Variants in ANKHD1 observed in about 807,000 individuals in gnomAD.
ANKHD1 encodes the protein ankyrin repeat and KH domain containing 1, also known as ankyrin repeat and KH domain-containing protein 1.
Under a neutral mutation model 230.5 loss-of-function variants are expected in ANKHD1, and 31 were observed. The ratio of observed to expected loss-of-function variants is 0.13; its 90% CI spans 0.10 to 0.18. The LOEUF (loss-of-function observed/expected upper bound fraction) is 0.18, where lower values mean the gene tolerates loss of function less well. ANKHD1 is among the 10% of genes least tolerant of loss of function. The pLI is 1.00. For synonymous variants in ANKHD1, 1,074 were observed against 1,117.6 expected (o/e 0.96, Z 0.78); for missense variants, 2,256 against 3,071.3 (o/e 0.73, Z 6.27).
At chr5:140,439,006 A>C (rs1028234662) in intron 3 of ANKHD1, among the ~76,000 whole-genome samples, 1 of 152,186 alleles carries the variant, frequency 6.6e-6, no homozygotes, top group African/African-American at 2.4e-5. Flanking sequence ...TTGCTACTCA[A>C]ATATGGTCCA....
chr5:140,471,657 A>AG (rs1776504534), intron 10 of ANKHD1, among the ~76,000 whole-genome samples: 1 of 152,160 alleles, frequency 6.6e-6, no homozygotes, highest in South Asian at 2.1e-4. Flanking sequence ...ATGACTGAAA[A>AG]GCTTCTTATG....
intron 24 of ANKHD1, among the ~76,000 whole-genome samples, chr5:140,518,925 G>T (rs192850123): frequency 3.3e-4 from 50 of 152,270 alleles, no homozygotes; most frequent in African/African-American, 1.2e-3. Flanking sequence ...AGTGTTGGAA[G>T]TTCTGGCCAG....
intron 10 of ANKHD1, among the ~76,000 whole-genome samples, chr5:140,466,233 T>C (rs567002461): frequency 6.6e-6 from 1 of 151,832 alleles, no homozygotes; most frequent in East Asian, 1.9e-4. Flanking sequence ...CTCTACCAAA[T>C]ACAAAAAGTT....
At position 140,527,423 on chromosome 5, in the gene ANKHD1, T is replaced by C; in HGVS notation, c.5087+349T>C. On this transcript the variant is annotated intron_variant, in intron 27 of 33. Coordinates refer to ENST00000360839, the MANE Select transcript of ANKHD1 (RefSeq NM_017747.3). This position sits in a 1 kb window ranked among gnomAD's most constrained non-coding sequence, Gnocchi z 4.5. ...ATTCAGAATACATGTCAGCTCATCA[T>C]TGACCTGAGGCTTTATTTTTTATTG... is the stretch of plus-strand genomic sequence containing the variant. 2 of 227,398 alleles carry C rather than the reference T, an allele frequency of 8.8e-6. No homozygotes were observed. Among genetic ancestry groups the C allele is most frequent in the Middle Eastern group, 1.7e-3 (1 of 592 alleles). 14.1% of individuals were successfully genotyped at this position (227,398 alleles called of 1,614,324 possible). A position where few individuals can be genotyped will look rare whatever the true frequency, so the allele number is the denominator to read the frequency against.
In ANKHD1 at chr5:140,507,697, T is replaced by G. The variant is rs1044358400; in HGVS notation, c.3552-88T>G. 3 of 1,472,214 alleles carry G rather than the reference T, an allele frequency of 2.0e-6. No homozygotes were observed. Among genetic ancestry groups the G allele is most frequent in the Non-Finnish European group, 2.7e-6 (3 of 1,091,778 alleles). The allele number at this position is 1,472,214 out of a possible 1,614,324, so 91.2% of individuals were successfully genotyped here. ...ATTCATTGATGTTAGAAACCTCTCT[T>G]TTTAGTGAAACCTTTTCATCTTTAA... On this transcript the variant is annotated intron_variant, in intron 19 of 33. Coordinates refer to ENST00000360839, the MANE Select transcript of ANKHD1 (RefSeq NM_017747.3). The surrounding 1 kb of genome is among the most constrained non-coding windows in gnomAD (Gnocchi z 4.1).
chr5:140,539,246 A>G, intron 33 of ANKHD1, 113 bp from the exon 34 acceptor site: 2 of 1,565,970 alleles, frequency 1.3e-6, no homozygotes, highest in South Asian at 2.4e-5. Context: ...TATTTAATAT[A>G]TGTGTATTCT....
At chr5:140,414,301 A>G (rs549492647) in intron 1 of ANKHD1, among the ~76,000 whole-genome samples, 20 of 152,306 alleles carry the variant, frequency 1.3e-4, no homozygotes, top group African/African-American at 4.3e-4. Flanking sequence ...ATCATTTGAC[A>G]TTCCTAACAG....
At chr5:140,473,683 T>G (rs1269693687) in intron 10 of ANKHD1, among the ~76,000 whole-genome samples, 1 of 152,192 alleles carries the variant, frequency 6.6e-6, no homozygotes, top group Non-Finnish European at 1.5e-5. Context: ...TTGAAGTAAG[T>G]AAGTTTATTT....
intron 11 of ANKHD1, among the ~76,000 whole-genome samples, chr5:140,483,039 G>C (rs982780587): frequency 1.3e-5 from 2 of 152,174 alleles, no homozygotes; most frequent in African/African-American, 4.8e-5. Context: ...TTGTGGTACA[G>C]TTGAATTAAC....
chr5:140,460,899 A>T (rs920436866), intron 9 of ANKHD1, among the ~76,000 whole-genome samples: 1 of 152,110 alleles, frequency 6.6e-6, no homozygotes, highest in Admixed American at 6.6e-5. Context: ...TTCCTGAACA[A>T]ATACTGATAA....
At chr5:140,407,588 A>G (rs1770572485) in intron 1 of ANKHD1, among the ~76,000 whole-genome samples, 10 of 151,850 alleles carry the variant, frequency 6.6e-5, no homozygotes, top group Admixed American at 6.6e-4. Flanking sequence ...AAAAAAAAAA[A>G]AATGTTGCCC....
intron 26 of ANKHD1, 145 bp from the exon 27 acceptor site, chr5:140,526,777 CTCTATT>C: frequency 8.6e-7 from 1 of 1,158,170 alleles, no homozygotes; most frequent in South Asian, 2.2e-5. Context: ...GGGTTCTTTG[CTCTATT>C]TCTGTTTTTC....
At chr5:140,423,958 G>A (rs951049484) in intron 1 of ANKHD1, among the ~76,000 whole-genome samples, 4 of 152,102 alleles carry the variant, frequency 2.6e-5, no homozygotes, top group Non-Finnish European at 5.9e-5. Flanking sequence ...ATGCTGTCTT[G>A]TCATTCTGTC....
Position 140,529,371 on chromosome 5 carries a change from C to A in ANKHD1, c.6425C>A (p.Ser2142Tyr). The change falls in exon 29 of 34, where the codon TCT (serine) becomes TAT (tyrosine). Residue 2142 changes from serine to tyrosine, a missense_variant. Ser to Tyr is a moderately radical substitution (Grantham distance 144). Coordinates refer to ENST00000360839, the MANE Select transcript of ANKHD1 (RefSeq NM_017747.3). ...TCTCATCGAATGCAGCCCAGAGGTT[C>A]TTTTTACTCCATGGTACCAAATGCA... ...RVSHRMQPRGSFYSMVPNATI... is the reference protein window; with the variant it reads ...RVSHRMQPRGYFYSMVPNATI... 1 of 1,614,184 alleles carries A rather than the reference C, an allele frequency of 6.2e-7. No individual in the cohort carries two copies. The highest frequency in any genetic ancestry group is 8.5e-7 in the Non-Finnish European group (1 of 1,180,032).
In ANKHD1 at chr5:140,529,394, G is replaced by A. The variant is rs199514444; in HGVS notation, c.6448G>A (p.Ala2150Thr). 75 of 1,614,044 alleles carry A rather than the reference G, an allele frequency of 4.6e-5. No individual in the cohort carries two copies. The highest frequency in any genetic ancestry group is 4.7e-5 in the Non-Finnish European group (56 of 1,180,044). ...RGSFYSMVPN[A>T]TIHQDPQSIF... ...TTCTTTTTACTCCATGGTACCAAAT[G>A]CAACTATTCACCAGGATCCCCAGTC... The change falls in exon 29 of 34, where the codon GCA becomes ACA. Residue 2150 changes from alanine (A) to threonine (T), a missense_variant. Transcript: ENST00000360839.
At chr5:140,406,867 T>C (rs1770501863) in intron 1 of ANKHD1, among the ~76,000 whole-genome samples, 1 of 151,972 alleles carries the variant, frequency 6.6e-6, no homozygotes, top group South Asian at 2.1e-4. Context: ...GGTAAATACC[T>C]GCTTCGTATT....
At chr5:140,512,742 T>C (rs1752825014) in intron 22 of ANKHD1, 86 bp from the exon 23 acceptor site, 1 of 1,267,640 alleles carries the variant, frequency 7.9e-7, no homozygotes, top group Non-Finnish European at 1.1e-6. Flanking sequence ...TCCTTTGTAA[T>C]TCTGTTGTTT....
At chr5:140,432,767 G>A (rs1389619300) in intron 1 of ANKHD1, among the ~76,000 whole-genome samples, 1 of 151,694 alleles carries the variant, frequency 6.6e-6, no homozygotes, top group East Asian at 1.9e-4. Context: ...GAATACAGTC[G>A]TACAATCATA....
At chr5:140,496,414 C>T in intron 14 of ANKHD1, 106 bp from the exon 15 acceptor site, 3 of 1,208,554 alleles carry the variant, frequency 2.5e-6, no homozygotes, top group Non-Finnish European at 2.2e-6. Flanking sequence ...GGAGGGAGGT[C>T]CGTGTGTGTG....
Sources: gnomAD v4.1 joint callset for allele counts (sites outside exome capture counted in the v4.1 genomes callset) on GRCh38, gnomAD v4.1.1 for gene constraint, Gnocchi (gnomAD v3.1) non-coding constraint, MANE v1.5 for transcripts, NCBI Gene and HGNC (gene_info 2026-07-23, HGNC 2026-07-21) for gene names.